Variants in NOL4L observed in about 807,000 individuals in gnomAD.
The protein encoded by NOL4L is nucleolar protein 4-like.
Under a neutral mutation model 64.5 loss-of-function variants are expected in NOL4L, and 7 were observed. The observed-to-expected ratio is 0.11, with a 90% confidence interval of 0.06 to 0.20. The LOEUF (loss-of-function observed/expected upper bound fraction) is 0.20, where lower values mean the gene tolerates loss of function less well. Ranked by LOEUF, NOL4L falls within the 10% of genes least tolerant of loss-of-function variation. The probability of loss-of-function intolerance (pLI) is 1.00; values close to 1 mark genes in which losing one functional copy is unlikely to be tolerated. For missense variants in NOL4L, 680 were observed against 967.1 expected (o/e 0.70, Z 3.94); for synonymous variants, 413 against 401.0 (o/e 1.03, Z -0.36).
At chr20:32,535,535 C>T (rs1168329679) in intron 1 of NOL4L, 57 of 968,714 alleles carry the variant, frequency 5.9e-5, no homozygotes, top group Non-Finnish European at 6.0e-5. Flanking sequence ...TGGAACAGGC[C>T]TCACATATTC....
At chr20:32,573,446 G>T (rs1979893083) in intron 1 of NOL4L, among the ~76,000 whole-genome samples, 1 of 152,090 alleles carries the variant, frequency 6.6e-6, no homozygotes, top group Admixed American at 6.6e-5. Flanking sequence ...GACCCACTCG[G>T]TGGCACTGCT....
At chr20:32,514,558 CT>C (rs2017565326) in intron 3 of NOL4L, among the ~76,000 whole-genome samples, 1 of 151,944 alleles carries the variant, frequency 6.6e-6, no homozygotes, top group Non-Finnish European at 1.5e-5. Context: ...GAACCACCCC[CT>C]CCTCCTCCTT....
At chr20:32,564,076 A>T (rs937969873) in intron 1 of NOL4L, among the ~76,000 whole-genome samples, 14 of 152,218 alleles carry the variant, frequency 9.2e-5, no homozygotes, top group Non-Finnish European at 1.8e-4. Context: ...AGCCTGAGCC[A>T]GCTTCACATC....
chr20:32,514,893 C>T (rs2145563009), intron 3 of NOL4L, among the ~76,000 whole-genome samples: 1 of 152,112 alleles, frequency 6.6e-6, no homozygotes, highest in Admixed American at 6.5e-5. Context: ...GTGAGTGTGA[C>T]ATCATGGTGA....
chr20:32,511,569 C>G (rs1377246276), intron 3 of NOL4L, 113 bp from the exon 4 acceptor site: 3 of 686,998 alleles, frequency 4.4e-6, no homozygotes, highest in Non-Finnish European at 7.5e-6. Context: ...GGAGAAGGGA[C>G]AGGTCAGAGG....
chr20:32,525,237 A>G (rs2018089362), intron 2 of NOL4L, among the ~76,000 whole-genome samples: 1 of 152,344 alleles, frequency 6.6e-6, no homozygotes, highest in South Asian at 2.1e-4. Flanking sequence ...AAACCGCCCA[A>G]AGAGTGCCTG....
At chr20:32,544,109 C>A (rs776421120) in intron 1 of NOL4L, among the ~76,000 whole-genome samples, 2 of 151,990 alleles carry the variant, frequency 1.3e-5, no homozygotes, top group African/African-American at 2.4e-5. Context: ...TTTAAGCAGG[C>A]GGGTGACACC....
At chr20:32,548,495 T>C (rs1403605179) in intron 1 of NOL4L, 1 of 155,278 alleles carries the variant, frequency 6.4e-6, no homozygotes, top group Non-Finnish European at 1.4e-5. Flanking sequence ...GGATAGATCA[T>C]GTGAACTGAG....
chr20:32,457,923 C>T (rs1447706238), intron 5 of NOL4L, among the ~76,000 whole-genome samples: 1 of 152,222 alleles, frequency 6.6e-6, no homozygotes. Context: ...TGAGCACCTA[C>T]TGAGTGCTGG....
rs1329040141 is a variant in NOL4L, at chr20:32,474,605, C to G, written c.837G>C (p.Glu279Asp). ...CTGCCACCAAGGGGCACTCACCGTCCTCTTGACTGTGGAGGTTCTGCGGGC... is the reference window on the plus strand; with the variant it reads ...CTGCCACCAAGGGGCACTCACCGTCGTCTTGACTGTGGAGGTTCTGCGGGC... The part of the protein sequence containing the change: ...MRSPQNLHSQ[E>D]DDDSSSESGS... Residue 279 changes from glutamate to aspartate, a missense_variant, in exon 5 of 11, where the codon GAG (glutamate) becomes GAC (aspartate). Around this residue, in one of 4 missense-constraint regions of NOL4L, gnomAD observed 254 missense variants for 238.7 expected, o/e 1.06. Coordinates refer to ENST00000621426, the MANE Select transcript of NOL4L (RefSeq NM_001256798.2). The G allele has an allele frequency of 6.2e-7, 1 of 1,611,534 alleles. No homozygotes were observed. Among genetic ancestry groups the G allele is most frequent in the South Asian group, 1.1e-5 (1 of 90,960 alleles).
At chr20:32,563,560 G>A (rs1979229382) in intron 1 of NOL4L, among the ~76,000 whole-genome samples, 3 of 152,064 alleles carry the variant, frequency 2.0e-5, no homozygotes, top group Non-Finnish European at 4.4e-5. Context: ...CACAGGGCTT[G>A]CATATTCCTC....
At chr20:32,469,051 C>T (rs553550102) in intron 5 of NOL4L, among the ~76,000 whole-genome samples, 1 of 152,246 alleles carries the variant, frequency 6.6e-6, no homozygotes, top group African/African-American at 2.4e-5. Context: ...TGTTTCCTGC[C>T]CTGTGGAACA....
intron 4 of NOL4L, chr20:32,510,145 G>A: frequency 2.7e-6 from 1 of 376,422 alleles, no homozygotes; most frequent in East Asian, 7.3e-5. Flanking sequence ...TATTTGTGAT[G>A]ATGTGAAGTT....
intron 1 of NOL4L, among the ~76,000 whole-genome samples, chr20:32,530,211 T>C (rs896478708): frequency 2.0e-5 from 3 of 152,216 alleles, no homozygotes; most frequent in Admixed American, 1.3e-4. Context: ...GAGGTTCACA[T>C]TGGTGAAAAT....
chr20:32,552,008 T>C (rs1389231461), intron 1 of NOL4L, among the ~76,000 whole-genome samples: 1 of 152,152 alleles, frequency 6.6e-6, no homozygotes, highest in Non-Finnish European at 1.5e-5. Flanking sequence ...CAGGCTGGTC[T>C]TGAACTCCTG....
In NOL4L at chr20:32,453,675, C is replaced by T. The variant is rs78426018; in HGVS notation, c.1206G>A (p.Pro402=). The T allele has an allele frequency of 1.9e-3, 2,998 of 1,573,712 alleles. 53 individuals are homozygous for T. The African/African-American group carries it at 0.036, about 19-fold the overall frequency. Residue 402 remains proline, a synonymous_variant, in exon 7 of 11, where the codon CCG becomes CCA. Coordinates refer to ENST00000621426, the MANE Select transcript of NOL4L (RefSeq NM_001256798.2). This position sits in a 1 kb window ranked among gnomAD's most constrained non-coding sequence, Gnocchi z 5.6. ...CPEDLTVGRA[P]TADDDDDDHD... ...GGTCATCGTCGTCATCATCTGCCGT[C>T]GGGGCCCGGCCCACTGTCAGGTCCT...
rs143684525 is a variant in NOL4L, at chr20:32,489,264, C to A, written c.700-14522G>T. ...CATTACATTTAAATCTTTATTCCAT[C>A]TTTTATTTATCTCAATATAAGTAAT... On this transcript the variant is annotated intron_variant, in intron 4 of 10. Coordinates refer to ENST00000621426, the MANE Select transcript of NOL4L (RefSeq NM_001256798.2). Among the ~76,000 whole-genome samples the A allele has an allele frequency of 5.2e-3, 790 of 151,762 alleles. 12 individuals are homozygous for A. The highest frequency in any genetic ancestry group is 0.017 in the African/African-American group (713 of 41,392).
In NOL4L at chr20:32,453,990, C is replaced by T. The variant is rs1371985354; in HGVS notation, c.1120-229G>A. On this transcript the variant is annotated intron_variant, in intron 6 of 10. Transcript: ENST00000621426. This position sits in a 1 kb window ranked among gnomAD's most constrained non-coding sequence, Gnocchi z 5.6. ...CTCCCTGGGCTGCCGCAGGGAGGAC[C>T]GACTGCAATAGTGTATGCAGAGACC... 10 of 568,002 alleles carry T rather than the reference C, an allele frequency of 1.8e-5. No homozygotes were observed. Among genetic ancestry groups the T allele is most frequent in the Admixed American group, 9.1e-5 (3 of 32,986 alleles). 35.2% of individuals were successfully genotyped at this position (568,002 alleles called of 1,614,324 possible). A position where few individuals can be genotyped will look rare whatever the true frequency, so the allele number is the denominator to read the frequency against.
intron 4 of NOL4L, among the ~76,000 whole-genome samples, chr20:32,482,128 C>G (rs1426306581): frequency 6.6e-6 from 1 of 152,192 alleles, no homozygotes; most frequent in Non-Finnish European, 1.5e-5. Context: ...CATCTCCCCT[C>G]AGAGCAGACA....
Sources: gnomAD v4.1 joint callset for allele counts (sites outside exome capture counted in the v4.1 genomes callset) on GRCh38, gnomAD v4.1.1 for gene constraint, gnomAD v4.1.1 regional missense constraint, Gnocchi (gnomAD v3.1) non-coding constraint, MANE v1.5 for transcripts, NCBI Gene and HGNC (gene_info 2026-07-23, HGNC 2026-07-21) for gene names.